SHCBP1L: variants seen among roughly 807,000 people sequenced by gnomAD.
SHCBP1L encodes testicular spindle-associated protein SHCBP1L.
In SHCBP1L, 67 loss-of-function variants were observed where a neutral mutation model predicts 62.5. The ratio of observed to expected loss-of-function variants is 1.07; its 90% CI spans 0.88 to 1.31. The LOEUF is 1.31. SHCBP1L is among the 40% of genes most tolerant of loss of function. The pLI is 0.00. For synonymous variants in SHCBP1L, 284 were observed against 289.4 expected (o/e 0.98, Z 0.19); for missense variants, 823 against 809.8 (o/e 1.02, Z -0.20).
At chr1:182,908,834 T>G (rs1650094287) in intron 6 of SHCBP1L, among the ~76,000 whole-genome samples, 2 of 152,196 alleles carry the variant, frequency 1.3e-5, no homozygotes, top group African/African-American at 4.8e-5. Context: ...CAATTAAAAC[T>G]TGGGTTAAGA....
At position 182,900,367 on chromosome 1, in the gene SHCBP1L, T is replaced by G. The variant is rs555069951; in HGVS notation, c.1711-133A>C. 40 of 709,686 alleles carry G rather than the reference T, an allele frequency of 5.6e-5. No homozygotes were observed. The South Asian group carries it at 6.8e-4, about 12-fold the overall frequency. The allele number at this position is 709,686 out of a possible 1,614,324, so 44.0% of individuals were successfully genotyped here. ...TTAAAACAACCAAGACTCTCAATTT[T>G]GAACAAGTGTTAAGTACTGTTTTCA... On this transcript the variant is annotated intron_variant, in intron 9 of 9. Transcript: ENST00000367547.
intron 2 of SHCBP1L, among the ~76,000 whole-genome samples, chr1:182,943,461 T>G (rs1422639500): frequency 6.6e-6 from 1 of 150,784 alleles, no homozygotes; most frequent in Non-Finnish European, 1.5e-5. Flanking sequence ...TTGTTTTTTT[T>G]TTTGAGACAG....
At chr1:182,950,701 A>G (rs1227566871) in intron 2 of SHCBP1L, 2 of 152,070 alleles carry the variant, frequency 1.3e-5, no homozygotes, top group African/African-American at 4.8e-5. Context: ...AAGAAAAAAA[A>G]AAGAAAAATC....
At position 182,903,083 on chromosome 1, in the gene SHCBP1L, T is replaced by A; in HGVS notation, c.1666A>T (p.Thr556Ser). The A allele has an allele frequency of 6.2e-7, 1 of 1,603,194 alleles. No homozygotes were observed. The highest frequency in any genetic ancestry group is 8.5e-7 in the Non-Finnish European group (1 of 1,174,510). The change falls in exon 9 of 10, where the codon ACC becomes TCC. Residue 556 changes from threonine (T) to serine (S), a missense_variant. Physicochemically the swap from Thr to Ser is moderately conservative, Grantham distance 58. Transcript: ENST00000367547. Reference protein sequence around the residue: ...NEIHHCNNLRTSNSSKSTLGG... With the variant: ...NEIHHCNNLRSSNSSKSTLGG... ...AAGGTGCTTTTTGAACTGTTACTGG[T>A]TCTGAGGTTATTACAGTGATGAATT...
intron 2 of SHCBP1L, among the ~76,000 whole-genome samples, chr1:182,948,554 C>T (rs1651643754): frequency 6.6e-6 from 1 of 152,204 alleles, no homozygotes; most frequent in East Asian, 1.9e-4. Flanking sequence ...AACAGATTCT[C>T]CCACACAGCC....
At chr1:182,942,965 A>G (rs1319332239) in intron 2 of SHCBP1L, among the ~76,000 whole-genome samples, 1 of 152,256 alleles carries the variant, frequency 6.6e-6, no homozygotes, top group Non-Finnish European at 1.5e-5. Flanking sequence ...GTTATGGGAC[A>G]GAAGAAAACT....
intron 6 of SHCBP1L, among the ~76,000 whole-genome samples, chr1:182,908,638 T>C (rs1650089504): frequency 6.6e-6 from 1 of 152,222 alleles, no homozygotes; most frequent in Admixed American, 6.5e-5. Context: ...GTTATGAATT[T>C]CTCACTCTTA....
Position 182,952,995 on chromosome 1 carries a change from C to A in SHCBP1L, c.139G>T (p.Val47Leu). The change falls in exon 1 of 10, where the codon GTG (valine) becomes TTG (leucine). Residue 47 changes from valine (V) to leucine (L), a missense_variant. Physicochemically the swap from Val to Leu is conservative, Grantham distance 32. Transcript: ENST00000367547. ...ATTLKGTAIP[V>L]RSVVASPRPV... ...CGAGGGGAGGCCACCACCGACCGCA[C>A]TGGGATCGCGGTGCCCTTCAGGGTG... 2 of 1,543,456 alleles carry A rather than the reference C, an allele frequency of 1.3e-6. No individual in the cohort carries two copies. Among genetic ancestry groups the A allele is most frequent in the Non-Finnish European group, 1.7e-6 (2 of 1,148,078 alleles).
At chr1:182,902,479 G>A (rs898321560) in intron 9 of SHCBP1L, among the ~76,000 whole-genome samples, 9 of 152,082 alleles carry the variant, frequency 5.9e-5, no homozygotes, top group African/African-American at 2.2e-4. Flanking sequence ...GAGACAAAAT[G>A]TACATTCATA....
At chr1:182,926,623 G>GT (rs1288697017) in intron 6 of SHCBP1L, among the ~76,000 whole-genome samples, 1 of 151,964 alleles carries the variant, frequency 6.6e-6, no homozygotes, top group Non-Finnish European at 1.5e-5. Context: ...TCAAATCCAG[G>GT]TTTTTATGAT....
chr1:182,950,194 T>C (rs958991035), intron 2 of SHCBP1L, among the ~76,000 whole-genome samples: 2 of 152,260 alleles, frequency 1.3e-5, no homozygotes, highest in African/African-American at 4.8e-5. Context: ...TTTTCTTGTA[T>C]CCAAAAATAC....
At chr1:182,913,410 C>A (rs965978725) in intron 6 of SHCBP1L, among the ~76,000 whole-genome samples, 1 of 152,114 alleles carries the variant, frequency 6.6e-6, no homozygotes, top group African/African-American at 2.4e-5. Flanking sequence ...TGCTGGAGAA[C>A]TGATTGATTA....
chr1:182,940,479 G>T lies in SHCBP1L; in HGVS notation c.620C>A (p.Pro207His). The change falls in exon 3 of 10, where the codon CCC becomes CAC. Residue 207 changes from proline (P) to histidine (H), a missense_variant. Transcript: ENST00000367547. ...RFKVTVSVAE[P>H]FSSNIANIPR... is the part of the protein sequence containing the mutation. The stretch of plus-strand genomic sequence containing the variant: ...AATATTTGCAATGTTGGAAGAAAAG[G>T]GCTCAGCAACAGAAACAGTAACTTT... 1 of 1,613,886 alleles carries T rather than the reference G, an allele frequency of 6.2e-7. No individual in the cohort carries two copies. Among genetic ancestry groups the T allele is most frequent in the Non-Finnish European group, 8.5e-7 (1 of 1,179,940 alleles).
At chr1:182,919,404 C>T (rs996417065) in intron 6 of SHCBP1L, among the ~76,000 whole-genome samples, 2 of 152,162 alleles carry the variant, frequency 1.3e-5, no homozygotes, top group African/African-American at 4.8e-5. Context: ...AACCAGCTCC[C>T]ATAATTCCTT....
intron 6 of SHCBP1L, among the ~76,000 whole-genome samples, chr1:182,927,091 TATATATATATATATATATATATA>T (rs1650785104): frequency 4.6e-5 from 1 of 21,886 alleles, no homozygotes; most frequent in African/African-American, 1.9e-4. Flanking sequence ...TATATATATA[TATATATATATATATATATATATA>T]CTCTCTCTCT....
chr1:182,931,486 G>C (rs1368961702), intron 5 of SHCBP1L, among the ~76,000 whole-genome samples: 1 of 152,098 alleles, frequency 6.6e-6, no homozygotes, highest in Non-Finnish European at 1.5e-5. Context: ...CAATAATAAA[G>C]ATATAAAAAA....
At chr1:182,948,484 A>C (rs12031258) in intron 2 of SHCBP1L, among the ~76,000 whole-genome samples, 1 of 152,300 alleles carries the variant, frequency 6.6e-6, no homozygotes, top group East Asian at 1.9e-4. Flanking sequence ...TTGAAGATGA[A>C]GGAAGAGGGC....
rs1557994270 is a variant in SHCBP1L, at chr1:182,918,223, C to CATATATAT, written c.1182+11423_1182+11424insATATATAT. Reference sequence around the variant, plus strand: ...ATACATATATATACACATATATATACACATATATATATACATATATATACA... The same window carrying CATATATAT: ...ATACATATATATACACATATATATACATATATATACATATATATATACATATATATACA... On this transcript the variant is annotated intron_variant, in intron 6 of 9. Transcript: ENST00000367547. Among the ~76,000 whole-genome samples, 31 of 124,872 alleles carry CATATATAT rather than the reference C, an allele frequency of 2.5e-4. No homozygotes were observed. In the East Asian group the frequency reaches 7.3e-3, roughly 29 times the overall value. The allele number at this position is 124,872 out of a possible 152,430, so 81.9% of individuals were successfully genotyped here.
intron 6 of SHCBP1L, among the ~76,000 whole-genome samples, chr1:182,919,873 A>G (rs903640176): frequency 6.6e-6 from 1 of 152,068 alleles, no homozygotes; most frequent in Non-Finnish European, 1.5e-5. Context: ...TTAAATCAAG[A>G]AAGAGGGATC....
Sources: allele counts gnomAD v4.1 joint callset (sites outside exome capture counted in the v4.1 genomes callset), GRCh38; gene constraint gnomAD v4.1.1; transcripts MANE v1.5; gene names NCBI Gene and HGNC (gene_info 2026-07-23, HGNC 2026-07-21).